The following FAM20C variants were observed in gnomAD, a reference collection of about 807,000 sequenced individuals.
FAM20C encodes extracellular serine/threonine protein kinase FAM20C.
A neutral mutation model predicts 51.5 loss-of-function variants in FAM20C; 40 were observed. The ratio of observed to expected loss-of-function variants is 0.78; its 90% CI spans 0.60 to 1.01. The LOEUF (loss-of-function observed/expected upper bound fraction) is 1.01, where lower values mean the gene tolerates loss of function less well. Among genes scored for constraint, FAM20C ranks in the 50% least tolerant of loss-of-function variants. The pLI is 0.00. For synonymous variants in FAM20C, 406 were observed against 380.6 expected, an observed-to-expected ratio of 1.07 and a Z score of -0.78; for missense variants, 861 against 844.7, an observed-to-expected ratio of 1.02 and a Z score of -0.24.
intron 3 of FAM20C, among the ~76,000 whole-genome samples, chr7:234,118 G>A (rs1225515255): frequency 6.6e-6 from 1 of 152,218 alleles, no homozygotes; most frequent in Non-Finnish European, 1.5e-5. Flanking sequence ...AGGCCGTCCC[G>A]GCAAGTGGAG....
rs1226028430 is a variant in FAM20C at position 256,670 on chromosome 7, G to T, written c.1270G>T (p.Asp424Tyr). Residue 424 changes from aspartate to tyrosine, a missense_variant, in exon 7 of 10, where the codon GAC (aspartate) becomes TAC (tyrosine). Asp to Tyr is a radical substitution (Grantham distance 160, BLOSUM62 -3). Coordinates refer to ENST00000313766, the MANE Select transcript of FAM20C (RefSeq NM_020223.4). ...RKKAEWEVDP[D>Y]YCEEVKQTPP... ...TCCCCGCAGGTGGGAGGTGGACCCT[G>T]ACTACTGCGAGGAGGTGAAGCAGAC... The T allele has an allele frequency of 6.5e-7, 1 of 1,536,046 alleles. No individual in the cohort carries two copies. The highest frequency in any genetic ancestry group is 1.2e-5 in the South Asian group (1 of 84,050).
At chr7:222,763 T>C (rs28680906) in intron 3 of FAM20C, among the ~76,000 whole-genome samples, 60 of 151,942 alleles carry the variant, frequency 3.9e-4, no homozygotes, top group Non-Finnish European at 6.8e-4. Flanking sequence ...CATGTGCTCA[T>C]GTGTATGAGT....
chr7:211,707 C>T (rs999476339), intron 3 of FAM20C, among the ~76,000 whole-genome samples: 3 of 152,250 alleles, frequency 2.0e-5, no homozygotes, highest in Admixed American at 6.5e-5. Context: ...AGGTGGGGGC[C>T]GGGTTACAGC....
intron 3 of FAM20C, among the ~76,000 whole-genome samples, chr7:231,326 G>A (rs745920862): frequency 3.3e-5 from 5 of 152,188 alleles, no homozygotes; most frequent in Non-Finnish European, 5.9e-5. Flanking sequence ...TTTGGTGGTG[G>A]TGAATGACAC....
rs1281393143 is a variant in FAM20C at position 260,688 on chromosome 7, G to A, written c.*708G>A. 2 of 152,310 alleles carry A rather than the reference G, an allele frequency of 1.3e-5. No individual in the cohort carries two copies. Among genetic ancestry groups the A allele is most frequent in the African/African-American group, 2.4e-5 (1 of 41,472 alleles). 9.4% of individuals were successfully genotyped at this position (152,310 alleles called of 1,614,324 possible). ...GCGCAGCTGTGGGCTGACCTTTGCA[G>A]AGTTTTGTGGAATAGTTTGCAATGT... is the stretch of plus-strand genomic sequence containing the variant. On this transcript the variant is annotated 3_prime_UTR_variant, in exon 10 of 10. Transcript: ENST00000313766.
In FAM20C at chr7:193,655, C is replaced by G. The variant is rs1041528504; in HGVS notation, c.456C>G (p.Pro152=). ...DPGPRRSESP[P]GPGGDASLLA... ...GCCCGCGTCGGTCCGAGTCGCCCCC[C>G]GGCCCCGGCGGAGACGCCTCCCTCC... Residue 152 remains proline, a synonymous_variant, in exon 1 of 10, where the codon CCC becomes CCG. Coordinates refer to ENST00000313766, the MANE Select transcript of FAM20C (RefSeq NM_020223.4). 1 of 1,540,974 alleles carries G rather than the reference C, an allele frequency of 6.5e-7. No individual in the cohort carries two copies. Among genetic ancestry groups the G allele is most frequent in the Non-Finnish European group, 8.7e-7 (1 of 1,143,600 alleles).
At chr7:251,278 A>ACTGAGTGGCCGGGC (rs1788396988) in intron 5 of FAM20C, among the ~76,000 whole-genome samples, 4 of 69,976 alleles carry the variant, frequency 5.7e-5, no homozygotes, top group South Asian at 4.7e-4. Context: ...ACACGCCTGC[A>ACTGAGTGGCCGGGC]ATCCCAGTAC....
chr7:220,099 C>G (rs986675249), intron 3 of FAM20C, among the ~76,000 whole-genome samples: 1 of 152,206 alleles, frequency 6.6e-6, no homozygotes, highest in Non-Finnish European at 1.5e-5. Flanking sequence ...GAAGCCAAGC[C>G]AAGACCCCTT....
intron 3 of FAM20C, among the ~76,000 whole-genome samples, chr7:219,049 A>G (rs1787131963): frequency 6.6e-6 from 1 of 152,166 alleles, no homozygotes; most frequent in Non-Finnish European, 1.5e-5. Flanking sequence ...AGGGTTCCCC[A>G]GTGCTCCCCA....
chr7:193,460 G>C lies in FAM20C; in HGVS notation c.261G>C (p.Thr87=). 6.8e-7 allele frequency: 1 copy of C among 1,474,448 alleles called. No homozygotes were observed. The highest frequency in any genetic ancestry group is 9.0e-7 in the Non-Finnish European group (1 of 1,106,788). The allele number at this position is 1,474,448 out of a possible 1,614,324, so 91.3% of individuals were successfully genotyped here. The part of the protein sequence containing the change: ...AGDAGWPNKH[T]LRILQDFSSD... ...ACGCGGGCTGGCCCAACAAGCACACGCTCCGCATCCTGCAGGACTTCAGCT... is the reference window on the plus strand; with the variant it reads ...ACGCGGGCTGGCCCAACAAGCACACCCTCCGCATCCTGCAGGACTTCAGCT... The change falls in exon 1 of 10, where the codon ACG becomes ACC. Residue 87 remains threonine (T), a synonymous_variant. Coordinates refer to ENST00000313766, the MANE Select transcript of FAM20C (RefSeq NM_020223.4).
intron 2 of FAM20C, among the ~76,000 whole-genome samples, chr7:201,233 T>C (rs1211072741): frequency 6.6e-6 from 1 of 152,196 alleles, no homozygotes; most frequent in African/African-American, 2.4e-5. Context: ...CGCCTGACCG[T>C]GACCCCCAAG....
intron 3 of FAM20C, among the ~76,000 whole-genome samples, chr7:245,726 G>A (rs1242156660): frequency 6.6e-6 from 1 of 152,208 alleles, no homozygotes; most frequent in Non-Finnish European, 1.5e-5. Context: ...CCTGCGGCTA[G>A]GCTCCCCTTC....
chr7:251,927 C>T lies in FAM20C; in HGVS notation c.1072+3497C>T, dbSNP rs1027606496. On this transcript the variant is annotated intron_variant, in intron 5 of 9. Transcript: ENST00000313766. Reference sequence around the variant, plus strand: ...AGCAGCCAGGCCCAGCATTGTCAGGCGCCCCTGAACGCAGCCCCTGGAACC... The same window carrying T: ...AGCAGCCAGGCCCAGCATTGTCAGGTGCCCCTGAACGCAGCCCCTGGAACC... 3.3e-5 allele frequency among the ~76,000 whole-genome samples: 5 copies of T among 152,292 alleles called. No individual in the cohort carries two copies. The South Asian group carries it at 1.0e-3, about 32-fold the overall frequency.
Position 193,685 on chromosome 7 carries a change from C to G in FAM20C, c.486C>G (p.Ala162=). 2 of 1,545,686 alleles carry G rather than the reference C, an allele frequency of 1.3e-6. No individual in the cohort carries two copies. The highest frequency in any genetic ancestry group is 2.4e-5 in the South Asian group (2 of 83,866). Residue 162 remains alanine (A), a synonymous_variant, in exon 1 of 10, where the codon GCC becomes GCG. Transcript: ENST00000313766. ...PGPGGDASLL[A]RLFEHPLYRV... The stretch of plus-strand genomic sequence containing the variant: ...CCGGCGGAGACGCCTCCCTCCTGGC[C>G]AGGCTGTTCGAGCACCCGCTTTACC...
chr7:253,979 T>A (rs1788499451), intron 5 of FAM20C, among the ~76,000 whole-genome samples: 1 of 152,212 alleles, frequency 6.6e-6, no homozygotes, highest in African/African-American at 2.4e-5. Context: ...GACTAATCTG[T>A]ATCAGCACGA....
intron 2 of FAM20C, among the ~76,000 whole-genome samples, chr7:206,353 C>T (rs1786378311): frequency 6.6e-6 from 1 of 152,226 alleles, no homozygotes; most frequent in African/African-American, 2.4e-5. Flanking sequence ...TGTGTGGGGC[C>T]CTCATGCCCT....
At chr7:241,594 G>A (rs909896888) in intron 3 of FAM20C, among the ~76,000 whole-genome samples, 4 of 152,060 alleles carry the variant, frequency 2.6e-5, no homozygotes, top group South Asian at 2.1e-4. Context: ...TCCTGCGAGT[G>A]TGCATATATG....
intron 2 of FAM20C, among the ~76,000 whole-genome samples, chr7:207,508 G>A (rs1243251349): frequency 6.6e-6 from 1 of 152,040 alleles, no homozygotes; most frequent in Non-Finnish European, 1.5e-5. Context: ...TCAAATGTTA[G>A]CTCCCTAGGG....
In FAM20C at chr7:259,726, C is replaced by T. The variant is rs1583349732; in HGVS notation, c.1506-5C>T. The T allele has an allele frequency of 2.6e-6, 4 of 1,531,372 alleles. No individual in the cohort carries two copies. Among genetic ancestry groups the T allele is most frequent in the East Asian group, 2.5e-5 (1 of 40,752 alleles). 94.9% of individuals were successfully genotyped at this position (1,531,372 alleles called of 1,614,324 possible). A position where few individuals can be genotyped will look rare whatever the true frequency, so the allele number is the denominator to read the frequency against. On this transcript the variant is annotated splice_region_variant and splice_polypyrimidine_tract_variant and intron_variant, in intron 9 of 9. Transcript: ENST00000313766. ...TGCCAGGCCTGATGCCCCTCTCCTC[C>T]CCAGGATCCGGAAGTCCACCTACCT...
Sources: allele counts gnomAD v4.1 joint callset (sites outside exome capture counted in the v4.1 genomes callset), GRCh38; gene constraint gnomAD v4.1.1; transcripts MANE v1.5; gene names NCBI Gene and HGNC (gene_info 2026-07-23, HGNC 2026-07-21).